The following NECTIN3 variants were observed in gnomAD, a reference collection of about 807,000 sequenced individuals.
NECTIN3 encodes nectin cell adhesion molecule 3.
NECTIN3 carries 8 observed loss-of-function variants against 49.4 expected under a neutral mutation model. The observed-to-expected ratio is 0.16, with a 90% CI of 0.10 to 0.29. The LOEUF (loss-of-function observed/expected upper bound fraction) is 0.29. NECTIN3 is among the 10% of genes least tolerant of loss of function. The probability of loss-of-function intolerance (pLI) is 1.00; values close to 1 mark genes in which losing one functional copy is unlikely to be tolerated. For missense variants in NECTIN3, 581 were observed against 654.6 expected (o/e 0.89, Z 1.23); for synonymous variants, 277 against 241.1 (o/e 1.15, Z -1.38).
At chr3:111,100,594 T>C (rs1416704928) in intron 1 of NECTIN3, among the ~76,000 whole-genome samples, 1 of 152,124 alleles carries the variant, frequency 6.6e-6, no homozygotes, top group East Asian at 1.9e-4. Context: ...GTCCTAAGCA[T>C]TTCAAATAAG....
chr3:111,072,311 C>G (rs1189296131), intron 1 of NECTIN3, 134 bp downstream of exon 1: 3 of 1,434,402 alleles, frequency 2.1e-6, no homozygotes, highest in Non-Finnish European at 2.7e-6. Flanking sequence ...AGGACTTTGG[C>G]TGGAAACTTT....
At chr3:111,119,869 T>C (rs895755215) in intron 3 of NECTIN3, among the ~76,000 whole-genome samples, 45 of 152,296 alleles carry the variant, frequency 3.0e-4, no homozygotes, top group Admixed American at 2.4e-3. Flanking sequence ...TTCTATTCTT[T>C]GTTGTTGCTA....
intron 1 of NECTIN3, among the ~76,000 whole-genome samples, chr3:111,087,510 T>C (rs1338178459): frequency 6.6e-6 from 1 of 151,804 alleles, no homozygotes; most frequent in African/African-American, 2.4e-5. Context: ...AAAATTAGCC[T>C]GGTGTGGTGG....
At chr3:111,095,012 A>G (rs1350211224) in intron 1 of NECTIN3, among the ~76,000 whole-genome samples, 1 of 152,176 alleles carries the variant, frequency 6.6e-6, no homozygotes, top group African/African-American at 2.4e-5. Context: ...TACACAAAAG[A>G]TAATAGTCAC....
intron 5 of NECTIN3, among the ~76,000 whole-genome samples, chr3:111,129,180 T>G (rs746222461): frequency 6.9e-6 from 1 of 145,600 alleles, no homozygotes; most frequent in Non-Finnish European, 1.5e-5. Flanking sequence ...ACCTCACTTC[T>G]TAAGGCCTTC....
chr3:111,192,218 A>C (rs1576191640), upstream of NECTIN3: 1 of 741,126 alleles, frequency 1.3e-6, no homozygotes, highest in African/African-American at 1.8e-5. Context: ...TCTTACTCTC[A>C]TGTGGAACAT....
At chr3:111,124,633 TTTA>T (rs2034086851) in intron 4 of NECTIN3, among the ~76,000 whole-genome samples, 3 of 152,232 alleles carry the variant, frequency 2.0e-5, no homozygotes, top group Admixed American at 6.5e-5. Flanking sequence ...GCATATTATC[TTTA>T]TCCTTCAGTG....
At chr3:111,189,454 A>G (rs965343511), upstream of NECTIN3, among the ~76,000 whole-genome samples, 1 of 152,210 alleles carries the variant, frequency 6.6e-6, no homozygotes, top group Non-Finnish European at 1.5e-5. Flanking sequence ...AGATATCCAG[A>G]TACCACTTTA....
chr3:111,105,102 C>A lies in NECTIN3; in HGVS notation c.161-6928C>A, dbSNP rs148181123. Among the ~76,000 whole-genome samples, 678 of 151,692 alleles carry A rather than the reference C, an allele frequency of 4.5e-3. 6 individuals are homozygous for A. Among genetic ancestry groups the A allele is most frequent in the African/African-American group, 0.015 (628 of 41,428 alleles). On this transcript the variant is annotated intron_variant, in intron 1 of 5. Coordinates refer to ENST00000485303, the MANE Select transcript of NECTIN3 (RefSeq NM_015480.3). ...TTGGTCAGATTTATCTGTATTTCATCTTTTTTTCTTTTTTGTTTTCTTTTC... is the reference window on the plus strand; with the variant it reads ...TTGGTCAGATTTATCTGTATTTCATATTTTTTTCTTTTTTGTTTTCTTTTC...
intron 5 of NECTIN3, among the ~76,000 whole-genome samples, chr3:111,130,777 AG>A (rs1393747396): frequency 3.3e-5 from 5 of 152,162 alleles, no homozygotes; most frequent in Admixed American, 2.0e-4. Context: ...ATTATATAAT[AG>A]TAATACTCTC....
intron 3 of NECTIN3, among the ~76,000 whole-genome samples, chr3:111,121,237 TCTC>T: frequency 6.6e-6 from 1 of 151,160 alleles, no homozygotes; most frequent in South Asian, 2.1e-4. Context: ...ATGGTCTCAA[TCTC>T]CTGACCTCAT....
chr3:111,121,101 C>T (rs1342690575), intron 3 of NECTIN3, among the ~76,000 whole-genome samples: 1 of 147,102 alleles, frequency 6.8e-6, no homozygotes, highest in Non-Finnish European at 1.5e-5. Context: ...CTCCCGGGTT[C>T]GTGCCATTCT....
chr3:111,193,570 GCTGTGT>G (rs1336604700), intron 1 of NECTIN3: 2 of 619,330 alleles, frequency 3.2e-6, no homozygotes, highest in Middle Eastern at 4.4e-4. Context: ...TTAACCACCA[GCTGTGT>G]TTGTGAACTT....
intron 1 of NECTIN3, among the ~76,000 whole-genome samples, chr3:111,097,182 G>T (rs1006839806): frequency 6.6e-6 from 1 of 152,176 alleles, no homozygotes; most frequent in South Asian, 2.1e-4. Flanking sequence ...TGTAGTCAAA[G>T]GAGATCAAAG....
At chr3:111,108,177 T>C (rs1305296224) in intron 1 of NECTIN3, among the ~76,000 whole-genome samples, 1 of 152,122 alleles carries the variant, frequency 6.6e-6, no homozygotes, top group African/African-American at 2.4e-5. Flanking sequence ...ACATTAGTAT[T>C]TGTTTACTAG....
intron 6 of NECTIN3, among the ~76,000 whole-genome samples, chr3:111,146,179 A>T (rs1431210930): frequency 6.6e-6 from 1 of 152,178 alleles, no homozygotes; most frequent in African/African-American, 2.4e-5. Context: ...TCACGCCTGT[A>T]ATCCCAGCAC....
chr3:111,190,461 C>T (rs1459216337), upstream of NECTIN3, among the ~76,000 whole-genome samples: 1 of 152,158 alleles, frequency 6.6e-6, no homozygotes, highest in African/African-American at 2.4e-5. Context: ...TAACAAAACA[C>T]CGTAAACTAG....
chr3:111,187,859 A>G (rs1228159878), upstream of NECTIN3, among the ~76,000 whole-genome samples: 1 of 152,182 alleles, frequency 6.6e-6, no homozygotes, highest in Non-Finnish European at 1.5e-5. Context: ...ATACTACAAG[A>G]GTAGATCGTG....
intron 1 of NECTIN3, among the ~76,000 whole-genome samples, chr3:111,106,962 T>G (rs1423309948): frequency 6.6e-6 from 1 of 151,944 alleles, no homozygotes; most frequent in Non-Finnish European, 1.5e-5. Flanking sequence ...AGTATCAGAG[T>G]TTTAAAAAGT....
Sources: gnomAD v4.1 joint callset for allele counts (sites outside exome capture counted in the v4.1 genomes callset) on GRCh38, gnomAD v4.1.1 for gene constraint, MANE v1.5 for transcripts, NCBI Gene and HGNC (gene_info 2026-07-23, HGNC 2026-07-21) for gene names.